Variants in CTNNA3 observed in about 807,000 individuals in gnomAD.
The protein encoded by CTNNA3 is catenin alpha 3.
A neutral mutation model predicts 95.7 loss-of-function variants in CTNNA3; 76 were observed. That is an observed-to-expected ratio of 0.79 (90% confidence interval 0.66 to 0.96). CTNNA3 has a LOEUF of 0.96. Ranked by LOEUF, CTNNA3 falls within the 40% of genes least tolerant of loss-of-function variation. The pLI, the probability that CTNNA3 is intolerant of heterozygous loss-of-function variation, is 0.00. For missense variants in CTNNA3, 1,191 were observed against 1,089.8 expected (o/e 1.09, Z -1.31); for synonymous variants, 431 against 374.4 (o/e 1.15, Z -1.74).
At chr10:67,686,864 T>C (rs1251457676) in intron 1 of CTNNA3, among the ~76,000 whole-genome samples, 1 of 152,026 alleles carries the variant, frequency 6.6e-6, no homozygotes, top group East Asian at 1.9e-4. Context: ...GTTTGTTCCT[T>C]CCAATGCCCA....
intron 13 of CTNNA3, among the ~76,000 whole-genome samples, chr10:66,131,114 T>C (rs956923835): frequency 2.7e-5 from 4 of 148,844 alleles, no homozygotes; most frequent in Non-Finnish European, 5.9e-5. Flanking sequence ...ACCAGACGGA[T>C]TCATAGCTGA....
chr10:67,292,610 G>C (rs1452452762), intron 5 of CTNNA3, among the ~76,000 whole-genome samples: 4 of 151,654 alleles, frequency 2.6e-5, no homozygotes. Context: ...TATTTTCTTT[G>C]AACTGCTACA....
intron 7 of CTNNA3, among the ~76,000 whole-genome samples, chr10:66,900,572 T>A (rs1354864170): frequency 6.6e-6 from 1 of 151,700 alleles, no homozygotes; most frequent in Non-Finnish European, 1.5e-5. Context: ...ATAACAAACT[T>A]CTCTGAGCTA....
chr10:66,765,119 T>A (rs1839788492), intron 9 of CTNNA3, among the ~76,000 whole-genome samples: 1 of 152,210 alleles, frequency 6.6e-6, no homozygotes, highest in African/African-American at 2.4e-5. Context: ...CATGTATTCA[T>A]CCACTCCTTT....
chr10:65,929,543 T>C (rs905971993), intron 17 of CTNNA3, among the ~76,000 whole-genome samples: 1 of 151,938 alleles, frequency 6.6e-6, no homozygotes, highest in African/African-American at 2.4e-5. Flanking sequence ...CCCATGCACA[T>C]AAATGAAGCT....
intron 7 of CTNNA3, among the ~76,000 whole-genome samples, chr10:66,914,118 G>A (rs1365898000): frequency 6.9e-6 from 1 of 144,920 alleles, no homozygotes; most frequent in Non-Finnish European, 1.5e-5. Flanking sequence ...TTGCCCACTG[G>A]CAGGGTGCCT....
chr10:66,739,577 C>G (rs1156899594), intron 9 of CTNNA3, among the ~76,000 whole-genome samples: 1 of 152,050 alleles, frequency 6.6e-6, no homozygotes, highest in African/African-American at 2.4e-5. Context: ...ATGCATTTTA[C>G]TATTAGATTT....
chr10:66,609,394 T>G (rs565364984), intron 10 of CTNNA3, among the ~76,000 whole-genome samples: 2 of 146,968 alleles, frequency 1.4e-5, no homozygotes, highest in East Asian at 2.0e-4. Flanking sequence ...TATAAGAAAC[T>G]TATACAAGCT....
In CTNNA3 at chr10:65,966,660, T is replaced by C; in HGVS notation, c.2352A>G (p.Gln784=). 1 of 1,613,996 alleles carries C rather than the reference T, an allele frequency of 6.2e-7. No individual in the cohort carries two copies. Among genetic ancestry groups the C allele is most frequent in the Non-Finnish European group, 8.5e-7 (1 of 1,179,890 alleles). ...FYSHQLKICS[Q]VKAEIQNLGG... is the part of the protein sequence containing the mutation. ...CCAGGTTCTGGATCTCAGCTTTAAC[T>C]TGACTGCAGATTTTCAGTTGGTGGG... The change falls in exon 17 of 18, where the codon CAA becomes CAG. Residue 784 remains glutamine, a synonymous_variant. Coordinates refer to ENST00000433211, the MANE Select transcript of CTNNA3 (RefSeq NM_013266.4).
At chr10:66,071,635 G>A (rs1564617709) in intron 14 of CTNNA3, among the ~76,000 whole-genome samples, 1 of 151,864 alleles carries the variant, frequency 6.6e-6, no homozygotes, top group Non-Finnish European at 1.5e-5. Flanking sequence ...TTTCTCTATC[G>A]CTGTCTACCT....
intron 9 of CTNNA3, among the ~76,000 whole-genome samples, chr10:66,743,818 A>G (rs1849407738): frequency 6.6e-6 from 1 of 152,044 alleles, no homozygotes; most frequent in Non-Finnish European, 1.5e-5. Flanking sequence ...TCTGCCAAAA[A>G]TACAAAAATT....
intron 7 of CTNNA3, among the ~76,000 whole-genome samples, chr10:67,151,065 C>T (rs1179935000): frequency 6.6e-6 from 1 of 152,160 alleles, no homozygotes; most frequent in African/African-American, 2.4e-5. Context: ...TGTCTTCACA[C>T]AGATACTTTT....
intron 3 of CTNNA3, among the ~76,000 whole-genome samples, chr10:67,557,980 T>C (rs778927803): frequency 7.9e-5 from 12 of 152,208 alleles, no homozygotes; most frequent in Non-Finnish European, 1.2e-4. Context: ...CTCATACTGC[T>C]TACCTCATCC....
intron 13 of CTNNA3, among the ~76,000 whole-genome samples, chr10:66,178,399 G>GTATATATA (rs71035113): frequency 4.4e-4 from 40 of 91,134 alleles, no homozygotes; most frequent in African/African-American, 5.0e-4. Context: ...CCTTGAAAGT[G>GTATATATA]TATATATATA....
intron 10 of CTNNA3, among the ~76,000 whole-genome samples, chr10:66,555,603 C>T (rs1348085252): frequency 1.3e-5 from 2 of 152,118 alleles, no homozygotes; most frequent in Non-Finnish European, 2.9e-5. Flanking sequence ...AGGCCCGCTT[C>T]ACTGTTCGGT....
intron 3 of CTNNA3, among the ~76,000 whole-genome samples, chr10:67,576,402 G>T (rs1326364394): frequency 2.0e-5 from 3 of 151,986 alleles, no homozygotes; most frequent in African/African-American, 7.2e-5. Context: ...AGGCATTATT[G>T]TATAGTTGTT....
At chr10:66,138,740 T>C (rs1644976779) in intron 13 of CTNNA3, among the ~76,000 whole-genome samples, 2 of 152,136 alleles carry the variant, frequency 1.3e-5, no homozygotes, top group South Asian at 4.1e-4. Context: ...GCACCTGTAA[T>C]CACAATTACT....
Position 66,907,053 on chromosome 10 carries a change from G to C in CTNNA3, c.1048-131529C>G, listed in dbSNP as rs113352049. ...AAAATCCTACTGAGGTTTTGATCAG[G>C]CTGCATTGAATTTATACACTGATTA... On this transcript the variant is annotated intron_variant, in intron 7 of 17. Coordinates refer to ENST00000433211, the MANE Select transcript of CTNNA3 (RefSeq NM_013266.4). Among the ~76,000 whole-genome samples the C allele has an allele frequency of 3.6e-3, 543 of 152,172 alleles. 4 individuals are homozygous for C. Among genetic ancestry groups the C allele is most frequent in the Middle Eastern group, 0.017 (5 of 294 alleles).
At chr10:66,394,862 C>T (rs1195514302) in intron 11 of CTNNA3, among the ~76,000 whole-genome samples, 1 of 151,886 alleles carries the variant, frequency 6.6e-6, no homozygotes, top group Non-Finnish European at 1.5e-5. Context: ...TTAAAATAAC[C>T]CCCTAGAGGT....
Sources: gnomAD v4.1 joint callset for allele counts (sites outside exome capture counted in the v4.1 genomes callset) on GRCh38, gnomAD v4.1.1 for gene constraint, MANE v1.5 for transcripts, NCBI Gene and HGNC (gene_info 2026-07-23, HGNC 2026-07-21) for gene names.